Variants in ALK observed in about 807,000 individuals in gnomAD.
ALK encodes ALK receptor tyrosine kinase.
In ALK, 74 loss-of-function variants were observed where a neutral mutation model predicts 163.1. The ratio of observed to expected loss-of-function variants is 0.45; its 90% CI spans 0.38 to 0.55. ALK has a LOEUF of 0.55. ALK is among the 20% of genes least tolerant of loss of function. The pLI is 0.00. For synonymous variants in ALK, 960 were observed against 843.2 expected (o/e 1.14, Z -2.40); for missense variants, 2,063 against 2,105.3 (o/e 0.98, Z 0.39).
intron 1 of ALK, among the ~76,000 whole-genome samples, chr2:29,836,216 C>CA (rs1553369239): frequency 6.6e-6 from 1 of 152,158 alleles, no homozygotes; most frequent in Non-Finnish European, 1.5e-5. Flanking sequence ...CCTAGACAAT[C>CA]AAAATAGCAA....
chr2:29,644,571 T>A (rs571410840), intron 3 of ALK, among the ~76,000 whole-genome samples: 1 of 69,266 alleles, frequency 1.4e-5, no homozygotes, highest in Admixed American at 1.3e-4. Context: ...ATTAAGGTTT[T>A]TTTTTCCCCC....
chr2:29,859,011 C>A (rs1666215643), intron 1 of ALK, among the ~76,000 whole-genome samples: 1 of 151,102 alleles, frequency 6.6e-6, no homozygotes, highest in Non-Finnish European at 1.5e-5. Flanking sequence ...CCAGCCTGAG[C>A]AACAGAGCAA....
intron 1 of ALK, among the ~76,000 whole-genome samples, chr2:29,812,273 A>G (rs1664778421): frequency 6.6e-6 from 1 of 152,200 alleles, no homozygotes; most frequent in Non-Finnish European, 1.5e-5. Context: ...ATGTTTAACA[A>G]CCAGCTTTGG....
chr2:29,420,466 T>C (rs11689426), intron 4 of ALK, among the ~76,000 whole-genome samples: 14,882 of 151,446 alleles, frequency 0.098, 972 homozygotes, highest in Non-Finnish European at 0.13. Flanking sequence ...TTATTCACAT[T>C]TGAGGAACGC....
intron 4 of ALK, among the ~76,000 whole-genome samples, chr2:29,388,191 C>T (rs1487154303): frequency 1.3e-5 from 2 of 152,152 alleles, no homozygotes; most frequent in Non-Finnish European, 2.9e-5. Flanking sequence ...CAAGGCAAGC[C>T]GCTGATGAGT....
rs1363293818 is a variant in ALK at position 29,269,800 on chromosome 2, G to GT, written c.2041+5298dup. On this transcript the variant is annotated intron_variant, in intron 11 of 28. Coordinates refer to ENST00000389048, the MANE Select transcript of ALK (RefSeq NM_004304.5). Reference sequence around the variant, plus strand: ...CATGCCTGCCACCCCTTAATGAACAGTCCCCCCCCAGCTGAATGGGTGCTA... The same window carrying GT: ...CATGCCTGCCACCCCTTAATGAACAGTTCCCCCCCCAGCTGAATGGGTGCTA... Among the ~76,000 whole-genome samples, 4 of 150,908 alleles carry GT rather than the reference G, an allele frequency of 2.7e-5. No individual in the cohort carries two copies. In the South Asian group the frequency reaches 6.3e-4, roughly 24 times the overall value.
chr2:29,802,908 G>C (rs548613161), intron 1 of ALK, among the ~76,000 whole-genome samples: 2 of 151,476 alleles, frequency 1.3e-5, no homozygotes, highest in South Asian at 4.2e-4. Context: ...CCTCAACACT[G>C]ACCCCCAAAC....
intron 1 of ALK, among the ~76,000 whole-genome samples, chr2:29,839,317 T>G (rs1291794352): frequency 6.6e-6 from 1 of 152,096 alleles, no homozygotes; most frequent in African/African-American, 2.4e-5. Context: ...GATGAGTAAG[T>G]TTTTTTAAGT....
At position 29,327,603 on chromosome 2, in the gene ALK, C is replaced by T. The variant is rs868165395; in HGVS notation, c.1414+747G>A. Among the ~76,000 whole-genome samples the T allele has an allele frequency of 5.3e-5, 8 of 152,130 alleles. No homozygotes were observed. The South Asian group carries it at 6.2e-4, about 12-fold the overall frequency. ...GGGAGAGATACTACAGGTTCCTTTT[C>T]GGGGTGATAAAAATGTTCTAAAATA... On this transcript the variant is annotated intron_variant, in intron 6 of 28. Transcript: ENST00000389048.
chr2:29,400,262 T>A (rs1459238941), intron 4 of ALK, among the ~76,000 whole-genome samples: 2 of 152,266 alleles, frequency 1.3e-5, no homozygotes, highest in Non-Finnish European at 2.9e-5. Context: ...TTCAATATCT[T>A]ATTTTAAAAT....
chr2:29,342,104 G>A (rs1263978826), intron 5 of ALK, among the ~76,000 whole-genome samples: 1 of 152,130 alleles, frequency 6.6e-6, no homozygotes, highest in African/African-American at 2.4e-5. Flanking sequence ...AAATATACAA[G>A]AAGATGACTG....
chr2:29,310,743 G>A (rs1278627670), intron 8 of ALK, among the ~76,000 whole-genome samples: 3 of 152,136 alleles, frequency 2.0e-5, no homozygotes, highest in Admixed American at 1.3e-4. Context: ...CCTCTTGCTC[G>A]GGGTCCGTGT....
At chr2:29,886,287 T>C (rs1666983027) in intron 1 of ALK, among the ~76,000 whole-genome samples, 1 of 152,216 alleles carries the variant, frequency 6.6e-6, no homozygotes, top group South Asian at 2.1e-4. Context: ...TTAATCATAA[T>C]AGTAGTTATG....
At chr2:29,594,263 C>T (rs1675139577) in intron 3 of ALK, among the ~76,000 whole-genome samples, 1 of 152,082 alleles carries the variant, frequency 6.6e-6, no homozygotes, top group African/African-American at 2.4e-5. Context: ...TAGGTATTTA[C>T]ATGCATATTG....
intron 3 of ALK, among the ~76,000 whole-genome samples, chr2:29,637,240 A>G (rs1225807304): frequency 1.3e-5 from 2 of 152,202 alleles, no homozygotes; most frequent in South Asian, 2.1e-4. Context: ...ACCATGGAAT[A>G]TCACTCAGCA....
At chr2:29,817,217 G>A (rs192426899) in intron 1 of ALK, among the ~76,000 whole-genome samples, 3 of 152,190 alleles carry the variant, frequency 2.0e-5, no homozygotes, top group African/African-American at 7.2e-5. Context: ...TAAGCGGTGG[G>A]GTGTGGGGGA....
intron 3 of ALK, among the ~76,000 whole-genome samples, chr2:29,567,628 C>T (rs758583330): frequency 6.6e-6 from 1 of 152,116 alleles, no homozygotes; most frequent in Non-Finnish European, 1.5e-5. Flanking sequence ...TGCATGCTTG[C>T]TCCTTTTGGG....
chr2:29,667,886 T>C (rs1324139411), intron 3 of ALK, among the ~76,000 whole-genome samples: 5 of 152,094 alleles, frequency 3.3e-5, no homozygotes, highest in Non-Finnish European at 5.9e-5. Flanking sequence ...TAAATGTTTG[T>C]TACACAACAG....
intron 1 of ALK, among the ~76,000 whole-genome samples, chr2:29,784,713 AAACAACAAC>A (rs34379763): frequency 6.6e-6 from 1 of 150,740 alleles, no homozygotes; most frequent in Non-Finnish European, 1.5e-5. Context: ...ACAACAACAA[AAACAACAAC>A]AACAACAACA....
Sources: gnomAD v4.1 joint callset for allele counts (sites outside exome capture counted in the v4.1 genomes callset) on GRCh38, gnomAD v4.1.1 for gene constraint, MANE v1.5 for transcripts, NCBI Gene and HGNC (gene_info 2026-07-23, HGNC 2026-07-21) for gene names.